DACH2: variants seen among roughly 807,000 people sequenced by gnomAD.
DACH2 encodes dachshund family transcription factor 2.
DACH2 carries 17 observed loss-of-function variants against 35.8 expected under a neutral mutation model. The observed-to-expected ratio is 0.48, with a 90% CI of 0.33 to 0.71. The LOEUF (loss-of-function observed/expected upper bound fraction) is 0.71, where lower values mean the gene tolerates loss of function less well. Among genes scored for constraint, DACH2 ranks in the 30% least tolerant of loss-of-function variants. The probability of loss-of-function intolerance (pLI) is 0.02; values close to 1 mark genes in which losing one functional copy is unlikely to be tolerated. For synonymous variants in DACH2, 195 were observed against 177.3 expected, an observed-to-expected ratio of 1.10 and a Z score of -0.79; for missense variants, 469 against 472.7, an observed-to-expected ratio of 0.99 and a Z score of 0.07.
chrX:86,465,229 G>A (rs778975463), intron 2 of DACH2, among the ~76,000 whole-genome samples: 5 of 112,112 alleles, frequency 4.5e-5, no homozygotes, highest in Admixed American at 9.5e-5. Context: ...AGAGATTTAC[G>A]TGAATGCTAA....
chrX:86,151,291 T>G (rs1344516185), intron 1 of DACH2, among the ~76,000 whole-genome samples: 1 of 111,777 alleles, frequency 8.9e-6, no homozygotes, highest in African/African-American at 3.2e-5. Context: ...CTTTTGTGTA[T>G]GTGTGTGTAT....
At chrX:86,195,444 A>G (rs2031952490) in intron 1 of DACH2, among the ~76,000 whole-genome samples, 1 of 110,928 alleles carries the variant, frequency 9.0e-6, no homozygotes, top group South Asian at 3.9e-4. Flanking sequence ...CTGTTCCAAC[A>G]CCACTACCAG....
intron 2 of DACH2, among the ~76,000 whole-genome samples, chrX:86,499,970 T>C (rs1409529108): frequency 9.0e-6 from 1 of 111,096 alleles, no homozygotes. Context: ...CAACATGAGG[T>C]CCTCAATGTG....
At chrX:86,534,152 C>A (rs150079667) in intron 3 of DACH2, among the ~76,000 whole-genome samples, 1,491 of 111,694 alleles carry the variant, frequency 0.013, 38 homozygotes, top group African/African-American at 0.047. Context: ...TTGCAGTATT[C>A]CATGACGAAG....
chrX:86,694,500 T>C (rs1320629808), intron 4 of DACH2, among the ~76,000 whole-genome samples: 2 of 112,221 alleles, frequency 1.8e-5, no homozygotes, highest in Admixed American at 9.5e-5. Context: ...AATGGTTTCC[T>C]ATTTTTGTCC....
Position 86,589,703 on chromosome X carries a change from C to T in DACH2, c.641-61333C>T, listed in dbSNP as rs958835374. On this transcript the variant is annotated intron_variant, in intron 3 of 11. Coordinates refer to ENST00000373125, the MANE Select transcript of DACH2 (RefSeq NM_053281.3). ...CACCTATTCACCTCTCTCTCACTTCCCCTGAATGCCTGATAACCACTGATC... is the reference window on the plus strand; with the variant it reads ...CACCTATTCACCTCTCTCTCACTTCTCCTGAATGCCTGATAACCACTGATC... 7.2e-5 allele frequency among the ~76,000 whole-genome samples: 8 copies of T among 111,329 alleles called. No homozygotes were observed. The South Asian group carries it at 1.1e-3, about 16-fold the overall frequency.
intron 4 of DACH2, among the ~76,000 whole-genome samples, chrX:86,669,786 A>C (rs1240431699): frequency 9.0e-6 from 1 of 111,454 alleles, no homozygotes; most frequent in Non-Finnish European, 1.9e-5. Flanking sequence ...ATTAGAATGG[A>C]AATTTTCCTA....
At chrX:86,502,205 G>A (rs1220251540) in intron 2 of DACH2, among the ~76,000 whole-genome samples, 3 of 111,579 alleles carry the variant, frequency 2.7e-5, no homozygotes, top group East Asian at 2.8e-4. Flanking sequence ...AACAGGTAGA[G>A]TAGGACAAAC....
intron 7 of DACH2, among the ~76,000 whole-genome samples, chrX:86,802,747 C>T (rs777000148): frequency 7.1e-4 from 79 of 110,865 alleles, no homozygotes; most frequent in Non-Finnish European, 1.3e-3. Flanking sequence ...CTGGCATACT[C>T]AGATTTCAGA....
chrX:86,326,759 C>T (rs1224912669), intron 1 of DACH2, among the ~76,000 whole-genome samples: 2 of 110,977 alleles, frequency 1.8e-5, no homozygotes, highest in African/African-American at 6.6e-5. Context: ...CAATGTTTCG[C>T]TTCCACTTGT....
chrX:86,335,246 T>C (rs953887896), intron 1 of DACH2, among the ~76,000 whole-genome samples: 7 of 111,830 alleles, frequency 6.3e-5, no homozygotes, highest in Non-Finnish European at 9.4e-5. Context: ...TCTTTTTTGG[T>C]TCCATATAAA....
chrX:86,363,932 T>C (rs1256306102), intron 1 of DACH2, among the ~76,000 whole-genome samples: 1 of 111,382 alleles, frequency 9.0e-6, no homozygotes, highest in Non-Finnish European at 1.9e-5. Context: ...GCTCCTGGGG[T>C]TTCTTTTATT....
intron 5 of DACH2, among the ~76,000 whole-genome samples, chrX:86,711,647 A>G (rs1053283833): frequency 8.9e-6 from 1 of 111,841 alleles, no homozygotes; most frequent in Non-Finnish European, 1.9e-5. Context: ...TTTGACTTTC[A>G]TAATTCAGTA....
chrX:86,290,923 C>T (rs1234833436), intron 1 of DACH2, among the ~76,000 whole-genome samples: 1 of 109,319 alleles, frequency 9.1e-6, no homozygotes, highest in African/African-American at 3.4e-5. Context: ...TTTGGTTCCA[C>T]ATGAACTTTA....
At chrX:86,440,028 A>G (rs746264031) in intron 2 of DACH2, among the ~76,000 whole-genome samples, 2 of 111,197 alleles carry the variant, frequency 1.8e-5, no homozygotes, top group African/African-American at 3.3e-5. Context: ...GGTTTTTTCT[A>G]TGGCCCAAAA....
chrX:86,746,127 C>T (rs919200077), intron 7 of DACH2, among the ~76,000 whole-genome samples: 5 of 111,697 alleles, frequency 4.5e-5, no homozygotes, highest in African/African-American at 1.3e-4. Flanking sequence ...TGCATGGATA[C>T]ATCATATTTT....
At chrX:86,609,365 C>T (rs911953123) in intron 3 of DACH2, among the ~76,000 whole-genome samples, 4 of 111,951 alleles carry the variant, frequency 3.6e-5, no homozygotes, top group African/African-American at 1.3e-4. Context: ...TGAATTCCTT[C>T]TTTGTGTTAT....
chrX:86,527,788 G>A (rs953649414), intron 3 of DACH2, among the ~76,000 whole-genome samples: 3 of 111,644 alleles, frequency 2.7e-5, no homozygotes, highest in African/African-American at 9.8e-5. Flanking sequence ...TTCCCAAGTC[G>A]TGTCATTTTG....
intron 1 of DACH2, among the ~76,000 whole-genome samples, chrX:86,303,871 A>T (rs1184621480): frequency 5.4e-5 from 6 of 111,277 alleles, no homozygotes; most frequent in Non-Finnish European, 1.1e-4. Context: ...TCTTCACAGA[A>T]ATAAAAAACA....
Sources: gnomAD v4.1 joint callset for allele counts (sites outside exome capture counted in the v4.1 genomes callset) on GRCh38, gnomAD v4.1.1 for gene constraint, MANE v1.5 for transcripts, NCBI Gene and HGNC (gene_info 2026-07-23, HGNC 2026-07-21) for gene names.